NELL2: variants seen among roughly 807,000 people sequenced by gnomAD.
NELL2 encodes protein kinase C-binding protein NELL2.
Under a neutral mutation model 109.6 loss-of-function variants are expected in NELL2, and 41 were observed. That is an observed-to-expected ratio of 0.37 (90% CI 0.29 to 0.49). The LOEUF (loss-of-function observed/expected upper bound fraction) is 0.49. Ranked by LOEUF, NELL2 falls within the 20% of genes least tolerant of loss-of-function variation. The pLI is 0.98. For synonymous variants in NELL2, 355 were observed against 344.7 expected, an observed-to-expected ratio of 1.03 and a Z score of -0.33; for missense variants, 900 against 1,008.3, an observed-to-expected ratio of 0.89 and a Z score of 1.45.
At chr12:44,625,415 T>C (rs1592227845) in intron 13 of NELL2, among the ~76,000 whole-genome samples, 1 of 152,136 alleles carries the variant, frequency 6.6e-6, no homozygotes, top group South Asian at 2.1e-4. Flanking sequence ...ACAATATATA[T>C]GTTTGATGTG....
chr12:44,889,378 A>G (rs1182012475), intron 1 of NELL2, among the ~76,000 whole-genome samples: 1 of 151,998 alleles, frequency 6.6e-6, no homozygotes, highest in African/African-American at 2.4e-5. Context: ...AAGAGCCATG[A>G]GTCATCAGTT....
Position 44,904,890 on chromosome 12 carries a change from A to C in NELL2, c.38+8909T>G, listed in dbSNP as rs577265441. Among the ~76,000 whole-genome samples, 12 of 152,250 alleles carry C rather than the reference A, an allele frequency of 7.9e-5. No individual in the cohort carries two copies. The East Asian group carries it at 1.9e-3, about 24-fold the overall frequency. On this transcript the variant is annotated intron_variant, in intron 1 of 20. Transcript: ENST00000333837. ...ATTAATCATTACATTTTGAAAAAAAAGTGGCCTGATGGTTCATTAGGGATT... is the reference window on the plus strand; with the variant it reads ...ATTAATCATTACATTTTGAAAAAAACGTGGCCTGATGGTTCATTAGGGATT...
intron 3 of NELL2, among the ~76,000 whole-genome samples, chr12:44,812,028 T>C (rs193113285): frequency 7.2e-5 from 11 of 152,250 alleles, no homozygotes; most frequent in African/African-American, 2.6e-4. Flanking sequence ...CAGCAGGGCA[T>C]GCAGAAGAGT....
chr12:44,548,077 C>G (rs760029671), intron 15 of NELL2, among the ~76,000 whole-genome samples: 2 of 152,104 alleles, frequency 1.3e-5, no homozygotes, highest in African/African-American at 2.4e-5. Context: ...TATTCATTCC[C>G]TCCACTTCTA....
intron 9 of NELL2, among the ~76,000 whole-genome samples, chr12:44,773,727 C>T (rs886849052): frequency 1.3e-5 from 2 of 152,102 alleles, no homozygotes; most frequent in Admixed American, 6.5e-5. Context: ...TCCACTGAAT[C>T]GACTTGACTA....
chr12:44,671,220 A>G (rs573117083), intron 12 of NELL2, among the ~76,000 whole-genome samples: 31 of 152,346 alleles, frequency 2.0e-4, no homozygotes, highest in African/African-American at 7.2e-4. Flanking sequence ...TTACGAAGAC[A>G]ATAAAAAGTT....
intron 10 of NELL2, among the ~76,000 whole-genome samples, chr12:44,712,716 G>C (rs1167990638): frequency 6.6e-6 from 1 of 151,972 alleles, no homozygotes; most frequent in African/African-American, 2.4e-5. Context: ...CCAATCAGTA[G>C]TCACTAGGTA....
chr12:44,892,711 T>C (rs1945548173), intron 1 of NELL2, among the ~76,000 whole-genome samples: 1 of 141,422 alleles, frequency 7.1e-6, no homozygotes, highest in Admixed American at 7.9e-5. Context: ...GGCAGGAGAA[T>C]GGCGTGAACC....
At chr12:44,655,026 G>A (rs529327398) in intron 13 of NELL2, among the ~76,000 whole-genome samples, 1 of 152,286 alleles carries the variant, frequency 6.6e-6, no homozygotes. Flanking sequence ...CTAAGACACC[G>A]TTATTATTAC....
chr12:44,919,497 C>T (rs905181667), intron 1 of NELL2, among the ~76,000 whole-genome samples: 2 of 152,054 alleles, frequency 1.3e-5, no homozygotes, highest in Non-Finnish European at 2.9e-5. Context: ...TTTCTGCAGA[C>T]GCTCAAGTTA....
At chr12:44,604,242 G>T (rs1296612074) in intron 15 of NELL2, among the ~76,000 whole-genome samples, 1 of 151,924 alleles carries the variant, frequency 6.6e-6, no homozygotes, top group Non-Finnish European at 1.5e-5. Flanking sequence ...GAGAGAGGAA[G>T]AAAGGGAGGG....
chr12:44,654,685 C>T (rs1947430441), intron 13 of NELL2, among the ~76,000 whole-genome samples: 1 of 152,108 alleles, frequency 6.6e-6, no homozygotes, highest in Admixed American at 6.5e-5. Context: ...AGAGATGAGG[C>T]TTCTGATTTG....
At chr12:44,790,299 A>G (rs1344004823) in intron 3 of NELL2, among the ~76,000 whole-genome samples, 2 of 152,228 alleles carry the variant, frequency 1.3e-5, no homozygotes, top group African/African-American at 4.8e-5. Flanking sequence ...TCTACAAGGT[A>G]GAAGGGATTG....
intron 1 of NELL2, among the ~76,000 whole-genome samples, chr12:44,905,114 A>G (rs1945705545): frequency 6.6e-6 from 1 of 152,148 alleles, no homozygotes; most frequent in East Asian, 1.9e-4. Context: ...TGAAAATCCA[A>G]ACTATAATGA....
intron 1 of NELL2, among the ~76,000 whole-genome samples, chr12:44,895,121 G>A (rs1166962100): frequency 6.6e-6 from 1 of 152,188 alleles, no homozygotes; most frequent in Non-Finnish European, 1.5e-5. Context: ...AGAGATTCTA[G>A]AGAGAAGCCT....
At chr12:44,669,928 A>T (rs1436158317) in intron 12 of NELL2, among the ~76,000 whole-genome samples, 1 of 152,202 alleles carries the variant, frequency 6.6e-6, no homozygotes, top group Non-Finnish European at 1.5e-5. Context: ...GTAATTCAAC[A>T]AGGTCTTATT....
At chr12:44,683,403 C>T (rs1054906771) in intron 12 of NELL2, among the ~76,000 whole-genome samples, 4 of 142,936 alleles carry the variant, frequency 2.8e-5, no homozygotes, top group Non-Finnish European at 5.9e-5. Context: ...TGATTGAATA[C>T]CCTTTATTTC....
chr12:44,583,353 T>A (rs551699980), intron 15 of NELL2, among the ~76,000 whole-genome samples: 13 of 152,224 alleles, frequency 8.5e-5, no homozygotes, highest in Non-Finnish European at 1.5e-4. Context: ...TAGTACTTGA[T>A]GCTACAAATT....
At chr12:44,567,434 T>C (rs1943704264) in intron 15 of NELL2, among the ~76,000 whole-genome samples, 2 of 152,152 alleles carry the variant, frequency 1.3e-5, no homozygotes, top group African/African-American at 2.4e-5. Context: ...AAAATTGTTC[T>C]TGAAATAGAA....
Sources: allele counts gnomAD v4.1 joint callset (sites outside exome capture counted in the v4.1 genomes callset), GRCh38; gene constraint gnomAD v4.1.1; transcripts MANE v1.5; gene names NCBI Gene and HGNC (gene_info 2026-07-23, HGNC 2026-07-21).